The following PSMA1 variants were observed in gnomAD, a reference collection of about 807,000 sequenced individuals.
The protein encoded by PSMA1 is proteasome subunit alpha type-1.
PSMA1 carries 3 observed loss-of-function variants against 38.4 expected under a neutral mutation model. The observed-to-expected ratio is 0.08, with a 90% confidence interval of 0.04 to 0.20. PSMA1 has a LOEUF of 0.20. PSMA1 is among the 10% of genes least tolerant of loss of function. PSMA1 has a pLI of 1.00. For missense variants in PSMA1, 227 were observed against 325.3 expected (o/e 0.70, Z 2.32); for synonymous variants, 101 against 107.1 (o/e 0.94, Z 0.35).
At chr11:14,523,852 G>A (rs1385253468), upstream of PSMA1, among the ~76,000 whole-genome samples, 1 of 151,614 alleles carries the variant, frequency 6.6e-6, no homozygotes, top group Non-Finnish European at 1.5e-5. Context: ...CAAAGTGCTG[G>A]GATTATAGGC....
At chr11:14,610,952 A>G (rs1852701424) in intron 2 of PSMA1, 3 of 1,612,458 alleles carry the variant, frequency 1.9e-6, no homozygotes, top group Non-Finnish European at 8.5e-7. Flanking sequence ...ATCAAAAAGC[A>G]AAGATATTCT....
At chr11:14,527,289 C>T (rs1054926513) in intron 2 of PSMA1, among the ~76,000 whole-genome samples, 5 of 152,154 alleles carry the variant, frequency 3.3e-5, no homozygotes, top group South Asian at 4.1e-4. Flanking sequence ...CAGTCACTCC[C>T]ACCTACTGCC....
At chr11:14,605,674 A>G (rs1852634358) in intron 2 of PSMA1, among the ~76,000 whole-genome samples, 1 of 152,198 alleles carries the variant, frequency 6.6e-6, no homozygotes. Context: ...GGCATGAGCT[A>G]CTGTGCCTGG....
At chr11:14,594,653 AC>A (rs1403089970) in intron 2 of PSMA1, among the ~76,000 whole-genome samples, 1 of 152,202 alleles carries the variant, frequency 6.6e-6, no homozygotes, top group Non-Finnish European at 1.5e-5. Context: ...ATTTTAACTT[AC>A]TTGGAATTAT....
chr11:14,520,083 G>A, intron 1 of PSMA1: 1 of 690,792 alleles, frequency 1.4e-6, no homozygotes, highest in Non-Finnish European at 2.5e-6. Context: ...GGCTCCCCGG[G>A]AAGCGAAAGC....
chr11:14,521,414 C>T (rs1441270221), upstream of PSMA1, among the ~76,000 whole-genome samples: 1 of 151,040 alleles, frequency 6.6e-6, no homozygotes, highest in Non-Finnish European at 1.5e-5. Flanking sequence ...ATCTCTTGAG[C>T]CAGGGAGATC....
intron 2 of PSMA1, among the ~76,000 whole-genome samples, chr11:14,530,294 T>C (rs1209012735): frequency 6.6e-6 from 1 of 152,176 alleles, no homozygotes; most frequent in Non-Finnish European, 1.5e-5. Flanking sequence ...TAGAAGTAGA[T>C]GGACAGCTAA....
intron 1 of PSMA1, chr11:14,519,303 G>A (rs1158776252): frequency 1.9e-6 from 1 of 513,186 alleles, no homozygotes; most frequent in East Asian, 4.8e-5. Context: ...ACCCCTTTAG[G>A]CTCAATTACT....
chr11:14,596,273 C>G (rs1852492163), intron 2 of PSMA1, among the ~76,000 whole-genome samples: 1 of 152,164 alleles, frequency 6.6e-6, no homozygotes, highest in Non-Finnish European at 1.5e-5. Context: ...TTTTCCAATT[C>G]TGTGAAGAAC....
At chr11:14,643,126 AGTGCACTCCACGTGCAC>A (rs796552596) in intron 1 of PSMA1, among the ~76,000 whole-genome samples, 13 of 150,474 alleles carry the variant, frequency 8.6e-5, no homozygotes, top group African/African-American at 2.9e-4. Flanking sequence ...GTGCTACTAG[AGTGCACTCCACGTGCAC>A]GTTCCTCCCT....
intron 2 of PSMA1, among the ~76,000 whole-genome samples, chr11:14,575,571 C>A (rs1199969850): frequency 6.6e-6 from 1 of 152,122 alleles, no homozygotes; most frequent in African/African-American, 2.4e-5. Context: ...CCTCCATGTC[C>A]CTACAAAGGA....
chr11:14,513,073 C>T (rs1353616709), intron 7 of PSMA1, among the ~76,000 whole-genome samples: 2 of 152,232 alleles, frequency 1.3e-5, no homozygotes, highest in Non-Finnish European at 2.9e-5. Flanking sequence ...TACCCTCCTT[C>T]CAATGCAAAG....
In PSMA1 at chr11:14,564,935, G is replaced by T. The variant is rs556431825; in HGVS notation, c.22-45894C>A. ...TGGGACTACAGGTACACATCACCAC[G>T]CTTGGCTAATTAAAAAAATTTTTTT... On this transcript the variant is annotated intron_variant, in intron 2 of 10. Transcript: ENST00000418988. Among the ~76,000 whole-genome samples, 10 of 151,880 alleles carry T rather than the reference G, an allele frequency of 6.6e-5. No homozygotes were observed. In the South Asian group the frequency reaches 2.1e-3, roughly 32 times the overall value.
At chr11:14,620,328 T>C (rs1325975965) in intron 1 of PSMA1, among the ~76,000 whole-genome samples, 4 of 152,216 alleles carry the variant, frequency 2.6e-5, no homozygotes, top group African/African-American at 9.6e-5. Flanking sequence ...GTACAGCCAG[T>C]TTAACTCTTG....
intron 1 of PSMA1, among the ~76,000 whole-genome samples, chr11:14,634,375 T>C (rs1349729156): frequency 3.3e-5 from 5 of 152,188 alleles, no homozygotes; most frequent in African/African-American, 7.2e-5. Context: ...CACAAATGCA[T>C]GCAACACACA....
chr11:14,570,266 A>G lies in PSMA1; in HGVS notation c.21+40700T>C, dbSNP rs190811738. On this transcript the variant is annotated intron_variant, in intron 2 of 10. Coordinates refer to the PSMA1 transcript ENST00000418988. ...AACCACAAAGATGGGGAGAAACCAG[A>G]GCAGAAAAGATGAAAATTCTAAAAA... 2.8e-4 allele frequency among the ~76,000 whole-genome samples: 43 copies of G among 152,348 alleles called. No homozygotes were observed. The East Asian group carries it at 6.9e-3, about 25-fold the overall frequency.
At chr11:14,600,110 C>T (rs982055582) in intron 2 of PSMA1, among the ~76,000 whole-genome samples, 7 of 152,180 alleles carry the variant, frequency 4.6e-5, no homozygotes, top group Non-Finnish European at 1.5e-5. Context: ...GGTCCTTCCT[C>T]TGGAAGCTTC....
At chr11:14,610,951 C>T (rs368890396) in intron 2 of PSMA1, 1 of 1,612,362 alleles carries the variant, frequency 6.2e-7, no homozygotes, top group Non-Finnish European at 8.5e-7. Flanking sequence ...TATCAAAAAG[C>T]AAAGATATTC....
At chr11:14,546,629 G>C (rs1851830769) in intron 2 of PSMA1, among the ~76,000 whole-genome samples, 1 of 152,014 alleles carries the variant, frequency 6.6e-6, no homozygotes, top group African/African-American at 2.4e-5. Flanking sequence ...GTAGAGACAG[G>C]GTTTCACCAT....
Sources: gnomAD v4.1 joint callset for allele counts (sites outside exome capture counted in the v4.1 genomes callset) on GRCh38, gnomAD v4.1.1 for gene constraint, MANE v1.5 for transcripts, NCBI Gene and HGNC (gene_info 2026-07-23, HGNC 2026-07-21) for gene names.